Variants in RALYL observed in about 807,000 individuals in gnomAD.
RALYL encodes the protein RALY RNA binding protein like.
Under a neutral mutation model 35.1 loss-of-function variants are expected in RALYL, and 29 were observed. The ratio of observed to expected loss-of-function variants is 0.83; its 90% confidence interval spans 0.61 to 1.13. The LOEUF (loss-of-function observed/expected upper bound fraction) is 1.13. RALYL is among the 50% of genes most tolerant of loss of function. The pLI is 0.00. For synonymous variants in RALYL, 120 were observed against 127.6 expected, an observed-to-expected ratio of 0.94 and a Z score of 0.40; for missense variants, 359 against 360.4, an observed-to-expected ratio of 1.00 and a Z score of 0.03.
intron 8 of RALYL, among the ~76,000 whole-genome samples, chr8:84,897,148 T>C (rs1361454634): frequency 6.6e-6 from 1 of 152,152 alleles, no homozygotes; most frequent in Non-Finnish European, 1.5e-5. Flanking sequence ...TCATGGGGCT[T>C]TTGTAACGAT....
intron 2 of RALYL, among the ~76,000 whole-genome samples, chr8:84,689,234 C>T (rs963083920): frequency 7.9e-5 from 12 of 152,092 alleles, no homozygotes; most frequent in Non-Finnish European, 1.8e-4. Context: ...CCCCAACCCC[C>T]GACCGCACAA....
intron 1 of RALYL, among the ~76,000 whole-genome samples, chr8:84,400,845 T>C (rs763144912): frequency 6.6e-6 from 1 of 152,198 alleles, no homozygotes; most frequent in Non-Finnish European, 1.5e-5. Flanking sequence ...GTAACAAAGA[T>C]AAGTAGGAAA....
At chr8:84,661,936 GTTACTGTT>G (rs1831011679) in intron 2 of RALYL, among the ~76,000 whole-genome samples, 1 of 146,000 alleles carries the variant, frequency 6.8e-6, no homozygotes, top group Non-Finnish European at 1.5e-5. Context: ...TCACATTTTT[GTTACTGTT>G]TTTTTTTTTT....
At chr8:84,560,718 A>G (rs2135577596) in intron 2 of RALYL, among the ~76,000 whole-genome samples, 1 of 152,006 alleles carries the variant, frequency 6.6e-6, no homozygotes, top group South Asian at 2.1e-4. Flanking sequence ...TCAAGTGAAG[A>G]AGAGAGGATA....
intron 1 of RALYL, among the ~76,000 whole-genome samples, chr8:84,480,913 G>A (rs2053974982): frequency 6.6e-6 from 1 of 151,546 alleles, no homozygotes; most frequent in East Asian, 1.9e-4. Flanking sequence ...GATATTCAGA[G>A]AAAAAAAAGT....
chr8:84,626,029 G>A (rs1588610575), intron 2 of RALYL, among the ~76,000 whole-genome samples: 1 of 151,728 alleles, frequency 6.6e-6, no homozygotes, highest in African/African-American at 2.4e-5. Context: ...ATATAGCAGA[G>A]TTAGCAAAGA....
At chr8:84,402,571 G>A (rs1488166246) in intron 1 of RALYL, among the ~76,000 whole-genome samples, 3 of 151,664 alleles carry the variant, frequency 2.0e-5, no homozygotes, top group Non-Finnish European at 1.5e-5. Context: ...ACTCAATGAA[G>A]GAATCAACAC....
At chr8:84,316,214 C>G (rs1056351747) in intron 1 of RALYL, among the ~76,000 whole-genome samples, 1 of 152,090 alleles carries the variant, frequency 6.6e-6, no homozygotes, top group East Asian at 1.9e-4. Context: ...CATCTCTACC[C>G]AAAGTCAGCC....
intron 1 of RALYL, among the ~76,000 whole-genome samples, chr8:84,195,417 C>T (rs879334505): frequency 2.6e-5 from 4 of 151,854 alleles, no homozygotes; most frequent in Admixed American, 6.6e-5. Context: ...TCCAGCCCAG[C>T]GACAGAGCGA....
At chr8:84,760,603 C>T (rs77115432) in intron 2 of RALYL, among the ~76,000 whole-genome samples, 2 of 152,020 alleles carry the variant, frequency 1.3e-5, no homozygotes, top group Admixed American at 6.6e-5. Context: ...AAATTATTTA[C>T]ATTTTGTTTA....
chr8:84,661,719 T>G (rs1440574921), intron 2 of RALYL, among the ~76,000 whole-genome samples: 3 of 151,996 alleles, frequency 2.0e-5, no homozygotes, highest in African/African-American at 7.2e-5. Flanking sequence ...GCCATGCTGG[T>G]GCGCTGCACC....
intron 2 of RALYL, among the ~76,000 whole-genome samples, chr8:84,674,293 C>G (rs552393221): frequency 4.6e-5 from 7 of 152,260 alleles, no homozygotes; most frequent in African/African-American, 1.7e-4. Flanking sequence ...GTGGGGTTTT[C>G]TAGATATAGG....
intron 1 of RALYL, among the ~76,000 whole-genome samples, chr8:84,488,255 A>G (rs749365217): frequency 3.3e-5 from 5 of 152,058 alleles, no homozygotes; most frequent in Non-Finnish European, 7.4e-5. Flanking sequence ...AATACGGTTG[A>G]ATATTGCACT....
At chr8:84,332,905 C>T (rs1461984721) in intron 1 of RALYL, among the ~76,000 whole-genome samples, 1 of 152,112 alleles carries the variant, frequency 6.6e-6, no homozygotes, top group Non-Finnish European at 1.5e-5. Flanking sequence ...ACAGTGATCC[C>T]TGGGTGATTT....
At chr8:84,325,468 C>G (rs957591258) in intron 1 of RALYL, among the ~76,000 whole-genome samples, 14 of 152,120 alleles carry the variant, frequency 9.2e-5, no homozygotes, top group African/African-American at 3.4e-4. Context: ...TTTTAGCCAC[C>G]CAGTGGCAAT....
chr8:84,435,211 AG>A (rs140214413), intron 1 of RALYL, among the ~76,000 whole-genome samples: 2,567 of 152,252 alleles, frequency 0.017, 163 homozygotes, highest in Admixed American at 0.12. Context: ...TCTGTACCAG[AG>A]CTTACTAGCC....
At chr8:84,751,317 C>T (rs565523997) in intron 2 of RALYL, among the ~76,000 whole-genome samples, 6 of 152,218 alleles carry the variant, frequency 3.9e-5, no homozygotes, top group African/African-American at 1.4e-4. Context: ...AAGCAGTTCT[C>T]CTGCCTCAGC....
At chr8:84,771,010 C>G (rs182662262) in intron 2 of RALYL, among the ~76,000 whole-genome samples, 1 of 152,196 alleles carries the variant, frequency 6.6e-6, no homozygotes, top group Admixed American at 6.5e-5. Context: ...TCTGTTTACT[C>G]TGCTGTTTCT....
intron 7 of RALYL, among the ~76,000 whole-genome samples, chr8:84,877,607 T>C (rs1248105305): frequency 6.6e-6 from 1 of 152,172 alleles, no homozygotes; most frequent in Non-Finnish European, 1.5e-5. Context: ...CATTGGCCTA[T>C]GGGTATTCAT....
Sources: allele counts gnomAD v4.1 joint callset (sites outside exome capture counted in the v4.1 genomes callset), GRCh38; gene constraint gnomAD v4.1.1; transcripts MANE v1.5; gene names NCBI Gene and HGNC (gene_info 2026-07-23, HGNC 2026-07-21).